UNC80: variants seen among roughly 807,000 people sequenced by gnomAD.
UNC80 encodes protein unc-80 homolog.
A neutral mutation model predicts 384.6 loss-of-function variants in UNC80; 164 were observed. The ratio of observed to expected loss-of-function variants is 0.43; its 90% CI spans 0.38 to 0.49. The LOEUF is 0.49. Ranked by LOEUF, UNC80 falls within the 20% of genes least tolerant of loss-of-function variation. The pLI is 0.00. For missense variants in UNC80, 3,330 were observed against 4,143.0 expected (o/e 0.80, Z 5.39); for synonymous variants, 1,486 against 1,527.8 (o/e 0.97, Z 0.64).
chr2:209,876,329 A>C (rs2084782191), intron 23 of UNC80, among the ~76,000 whole-genome samples: 1 of 152,190 alleles, frequency 6.6e-6, no homozygotes, highest in Non-Finnish European at 1.5e-5. Flanking sequence ...TACTATAACA[A>C]CTTACTCAAC....
chr2:209,976,357 T>C lies in UNC80; in HGVS notation c.8772+54T>C. 2 of 1,549,774 alleles carry C rather than the reference T, an allele frequency of 1.3e-6. No homozygotes were observed. The highest frequency in any genetic ancestry group is 1.7e-6 in the Non-Finnish European group (2 of 1,145,526). ...TGGCAAGCTCAAATGAATGTGTGGC[T>C]CTCTACTGAGGCAGGAATATGGCAG... On this transcript the variant is annotated intron_variant, in intron 57 of 64. Coordinates refer to ENST00000673920, the MANE Select transcript of UNC80 (RefSeq NM_001371986.1). This position sits in a 1 kb window ranked among gnomAD's most constrained non-coding sequence, Gnocchi z 4.3.
At position 209,926,880 on chromosome 2, in the gene UNC80, T is replaced by C. The variant is rs80127340; in HGVS notation, c.5700T>C (p.His1900=). 2 of 1,552,258 alleles carry C rather than the reference T, an allele frequency of 1.3e-6. No homozygotes were observed. The highest frequency in any genetic ancestry group is 1.7e-4 in the Middle Eastern group (1 of 5,996). Residue 1900 remains histidine, a synonymous_variant, in exon 36 of 65, where the codon CAT becomes CAC. Transcript: ENST00000673920. The part of the protein sequence containing the change: ...EHTTEHTPNH[H]VPQPPQAVFP... ...CCACTGAACACACGCCGAACCACCATGTGCCTCAGCCCCCACAAGCAGTGT... is the reference window on the plus strand; with the variant it reads ...CCACTGAACACACGCCGAACCACCACGTGCCTCAGCCCCCACAAGCAGTGT...
At chr2:209,845,988 C>G (rs1016277980) in intron 21 of UNC80, among the ~76,000 whole-genome samples, 7 of 150,278 alleles carry the variant, frequency 4.7e-5, no homozygotes, top group Admixed American at 2.0e-4. Flanking sequence ...TCTCTTCTTT[C>G]TTTTCTTTCT....
chr2:209,782,984 A>G (rs2077232927), intron 4 of UNC80, among the ~76,000 whole-genome samples: 2 of 152,156 alleles, frequency 1.3e-5, no homozygotes, highest in Non-Finnish European at 2.9e-5. Flanking sequence ...GAGAAACAGC[A>G]AGAAATAAAA....
chr2:209,995,088 C>A (rs1559458196), intron 64 of UNC80, among the ~76,000 whole-genome samples: 1 of 152,126 alleles, frequency 6.6e-6, no homozygotes. Context: ...ATTATTATCT[C>A]ATTTGATCCT....
At chr2:209,921,063 A>G (rs2090002510) in intron 33 of UNC80, among the ~76,000 whole-genome samples, 1 of 152,114 alleles carries the variant, frequency 6.6e-6, no homozygotes, top group Admixed American at 6.5e-5. Flanking sequence ...CCTCACCTCA[A>G]GTGATCCACC....
At chr2:209,989,628 A>G (rs902349910) in intron 61 of UNC80, among the ~76,000 whole-genome samples, 2 of 152,216 alleles carry the variant, frequency 1.3e-5, no homozygotes, top group Non-Finnish European at 2.9e-5. Context: ...AAAAATTTAA[A>G]TAAAAACTGG....
chr2:209,923,368 A>G (rs1299919365), intron 35 of UNC80, among the ~76,000 whole-genome samples: 1 of 152,126 alleles, frequency 6.6e-6, no homozygotes, highest in African/African-American at 2.4e-5. Flanking sequence ...TAGCATTTAT[A>G]TTTAGGTGTG....
intron 22 of UNC80, among the ~76,000 whole-genome samples, chr2:209,858,519 C>T (rs1277345259): frequency 6.6e-6 from 1 of 151,908 alleles, no homozygotes; most frequent in African/African-American, 2.4e-5. Flanking sequence ...ACCAGCCTGG[C>T]CAACATAGCG....
chr2:209,973,296 C>A, intron 56 of UNC80, 26 bp downstream of exon 56: 3 of 1,488,426 alleles, frequency 2.0e-6, no homozygotes, highest in Admixed American at 2.0e-5. Flanking sequence ...CTCTCTCTCT[C>A]TGTTTGTGCA....
At position 209,840,622 on chromosome 2, in the gene UNC80, C is replaced by T. The variant is rs1023034065; in HGVS notation, c.3331C>T (p.Leu1111Phe). ...CCTGGACATTAGCTCTGTGGACCGA[C>T]TCTCTTTCATCAGGCAAAGCTCCAA... is the stretch of plus-strand genomic sequence containing the variant. ...DLLDISSVDR[L>F]SFIRQSSKVK... The change falls in exon 20 of 65, where the codon CTC (leucine) becomes TTC (phenylalanine). Residue 1111 changes from leucine to phenylalanine, a missense_variant. Physicochemically the swap from Leu to Phe is conservative, Grantham distance 22. Around this residue, in one of 8 missense-constraint regions of UNC80, gnomAD observed 801 missense variants for 950.8 expected, o/e 0.84. Transcript: ENST00000673920. 4.5e-6 allele frequency: 7 copies of T among 1,551,976 alleles called. No homozygotes were observed. In the African/African-American group the frequency reaches 9.6e-5, roughly 21 times the overall value.
intron 51 of UNC80, among the ~76,000 whole-genome samples, chr2:209,964,062 A>C (rs565109603): frequency 4.6e-5 from 7 of 152,238 alleles, no homozygotes; most frequent in Non-Finnish European, 1.0e-4. Flanking sequence ...TTCCTAAACC[A>C]GGATGCCTAT....
chr2:209,897,331 A>C (rs1574932040), intron 28 of UNC80, among the ~76,000 whole-genome samples: 1 of 152,204 alleles, frequency 6.6e-6, no homozygotes, highest in African/African-American at 2.4e-5. Context: ...CAGGTCCTCT[A>C]CCAGACGCTA....
chr2:209,983,637 T>C (rs1434861189), intron 60 of UNC80, among the ~76,000 whole-genome samples: 2 of 152,174 alleles, frequency 1.3e-5, no homozygotes, highest in African/African-American at 4.8e-5. Flanking sequence ...TTTTTAAAAA[T>C]CAATTATTTG....
At chr2:209,800,275 G>C (rs577617301) in intron 7 of UNC80, among the ~76,000 whole-genome samples, 1 of 152,110 alleles carries the variant, frequency 6.6e-6, no homozygotes, top group East Asian at 1.9e-4. Context: ...ATTCTTCCTG[G>C]TTTAGTCTTG....
chr2:209,883,426 C>CTTTTTTTTTT (rs35807077), intron 25 of UNC80, among the ~76,000 whole-genome samples: 2 of 100,548 alleles, frequency 2.0e-5, no homozygotes, highest in Non-Finnish European at 2.0e-5. Context: ...CCATTCCACT[C>CTTTTTTTTTT]TTTTTTTTTT....
intron 7 of UNC80, chr2:209,808,741 C>T: frequency 4.4e-5 from 2 of 45,874 alleles, no homozygotes; most frequent in Non-Finnish European, 7.3e-5. Flanking sequence ...CAAGGCTCGG[C>T]CTAGTGAGTG....
intron 14 of UNC80, among the ~76,000 whole-genome samples, chr2:209,827,246 AC>A (rs2080600078): frequency 6.6e-6 from 1 of 152,144 alleles, no homozygotes; most frequent in Non-Finnish European, 1.5e-5. Flanking sequence ...AAATTGTATT[AC>A]AGTATGAATA....
intron 7 of UNC80, chr2:209,809,422 T>A: frequency 6.9e-7 from 1 of 1,452,900 alleles, no homozygotes; most frequent in Non-Finnish European, 9.7e-7. Context: ...CTGTACCCAC[T>A]GCAGCCGTGC....
Sources: gnomAD v4.1 joint callset for allele counts (sites outside exome capture counted in the v4.1 genomes callset) on GRCh38, gnomAD v4.1.1 for gene constraint, gnomAD v4.1.1 regional missense constraint, Gnocchi (gnomAD v3.1) non-coding constraint, MANE v1.5 for transcripts, NCBI Gene and HGNC (gene_info 2026-07-23, HGNC 2026-07-21) for gene names.